DAB1: variants seen among roughly 807,000 people sequenced by gnomAD.
DAB1 encodes the protein DAB adaptor protein 1.
Under a neutral mutation model 64.6 loss-of-function variants are expected in DAB1, and 15 were observed. That is an observed-to-expected ratio of 0.23 (90% CI 0.16 to 0.36). The LOEUF is 0.36. Among genes scored for constraint, DAB1 ranks in the 10% least tolerant of loss-of-function variants. DAB1 has a pLI of 1.00. For missense variants in DAB1, 596 were observed against 706.7 expected (o/e 0.84, Z 1.78); for synonymous variants, 235 against 251.9 (o/e 0.93, Z 0.64).
At chr1:57,595,583 C>T (rs1004043711) in intron 7 of DAB1, among the ~76,000 whole-genome samples, 5 of 152,130 alleles carry the variant, frequency 3.3e-5, no homozygotes, top group South Asian at 4.1e-4. Context: ...GCAGGTTCCT[C>T]TGGCTCCAAA....
intron 4 of DAB1, among the ~76,000 whole-genome samples, chr1:57,096,362 G>A (rs996800987): frequency 6.6e-6 from 1 of 151,998 alleles, no homozygotes. Flanking sequence ...AAAAACTCAC[G>A]AGTCCAATAA....
intron 3 of DAB1, among the ~76,000 whole-genome samples, chr1:58,358,450 G>T (rs571437553): frequency 6.6e-6 from 1 of 152,280 alleles, no homozygotes; most frequent in East Asian, 1.9e-4. Context: ...ATCTAGTTAA[G>T]GGAAAACAAC....
intron 4 of DAB1, among the ~76,000 whole-genome samples, chr1:58,335,650 G>T (rs796419130): frequency 6.6e-6 from 1 of 151,772 alleles, no homozygotes; most frequent in Non-Finnish European, 1.5e-5. Context: ...TTGGTGTTTG[G>T]GGGCAGGGTG....
chr1:57,166,237 T>C (rs1661199894), intron 2 of DAB1, among the ~76,000 whole-genome samples: 7 of 152,182 alleles, frequency 4.6e-5, no homozygotes, highest in Admixed American at 4.6e-4. Flanking sequence ...TTCTTCCATA[T>C]CATGCAACCT....
At chr1:57,372,642 A>T (rs185087310) in intron 1 of DAB1, among the ~76,000 whole-genome samples, 13 of 152,208 alleles carry the variant, frequency 8.5e-5, no homozygotes, top group Admixed American at 7.8e-4. Context: ...AAGAAAATAC[A>T]TCTAAGCTCC....
At chr1:57,727,636 A>G (rs1361515364) in intron 6 of DAB1, among the ~76,000 whole-genome samples, 2 of 152,116 alleles carry the variant, frequency 1.3e-5, no homozygotes, top group Non-Finnish European at 2.9e-5. Flanking sequence ...ATCTCTAGAG[A>G]CAGTAGACAA....
chr1:57,283,747 C>T (rs1279089596), intron 2 of DAB1, among the ~76,000 whole-genome samples: 3 of 152,154 alleles, frequency 2.0e-5, no homozygotes, highest in Non-Finnish European at 4.4e-5. Flanking sequence ...GAGGTGAATC[C>T]TAAGAACATA....
At chr1:57,260,706 G>C (rs1246719018) in intron 2 of DAB1, among the ~76,000 whole-genome samples, 1 of 152,092 alleles carries the variant, frequency 6.6e-6, no homozygotes, top group Admixed American at 6.6e-5. Flanking sequence ...CTCACCTAAG[G>C]TCACAAAGCA....
chr1:57,140,133 T>C (rs1658463176), intron 3 of DAB1, among the ~76,000 whole-genome samples: 1 of 152,104 alleles, frequency 6.6e-6, no homozygotes, highest in Non-Finnish European at 1.5e-5. Context: ...GAGACAGCTC[T>C]GGTTAGGGAG....
chr1:57,178,798 G>GA (rs542627596), intron 2 of DAB1, among the ~76,000 whole-genome samples: 1 of 151,564 alleles, frequency 6.6e-6, no homozygotes, highest in Admixed American at 6.6e-5. Flanking sequence ...TAAAATAAAT[G>GA]AAAAAAATAT....
At chr1:58,390,161 T>C (rs960557506) in intron 3 of DAB1, among the ~76,000 whole-genome samples, 2 of 152,088 alleles carry the variant, frequency 1.3e-5, no homozygotes, top group African/African-American at 4.8e-5. Context: ...GCTTCCAGAA[T>C]GCACCCAGCT....
At chr1:58,226,103 G>C (rs1659466484) in intron 4 of DAB1, among the ~76,000 whole-genome samples, 1 of 152,020 alleles carries the variant, frequency 6.6e-6, no homozygotes, top group Non-Finnish European at 1.5e-5. Context: ...GATACCTCTG[G>C]CTCTGCCAGC....
intron 1 of DAB1, among the ~76,000 whole-genome samples, chr1:57,388,432 TGTAG>T (rs1271702823): frequency 6.6e-6 from 1 of 152,132 alleles, no homozygotes; most frequent in African/African-American, 2.4e-5. Context: ...CCAGTCCTCG[TGTAG>T]GTGGTTCTGT....
At position 57,116,461 on chromosome 1, in the gene DAB1, CAAAAAAAAAAAAAAA is replaced by C. The variant is rs61590002; in HGVS notation, c.306+20067_306+20081del. 4.2e-4 allele frequency among the ~76,000 whole-genome samples: 30 copies of C among 71,972 alleles called. 2 individuals are homozygous for C. Among genetic ancestry groups the C allele is most frequent in the Non-Finnish European group, 7.7e-5 (3 of 39,010 alleles). 47.2% of individuals were successfully genotyped at this position (71,972 alleles called of 152,430 possible). ...TGGGCAATAGAGTGAGACTCTGTCT[CAAAAAAAAAAAAAAA>C]AAAAAAAGAAAGAAAGCAGGTTGGG... is the stretch of plus-strand genomic sequence containing the variant. On this transcript the variant is annotated intron_variant, in intron 4 of 14. Coordinates refer to ENST00000371236, the MANE Select transcript of DAB1 (RefSeq NM_001365792.1).
At chr1:57,295,249 C>T (rs1157114987) in intron 1 of DAB1, among the ~76,000 whole-genome samples, 2 of 152,008 alleles carry the variant, frequency 1.3e-5, no homozygotes, top group African/African-American at 4.8e-5. Context: ...AAAACAAAAC[C>T]CCTCCCAACC....
At position 58,228,008 on chromosome 1, in the gene DAB1, C is replaced by G. The variant is rs1374467474; in HGVS notation, n.310-77420G>C. On this transcript the variant is annotated intron_variant and non_coding_transcript_variant, in intron 4 of 20. Coordinates refer to the DAB1 transcript ENST00000485760. The stretch of plus-strand genomic sequence containing the variant: ...TTTAAAAACAGACCAAGAAAGTGGA[C>G]TCCCTGAGGCGAGGGTAAGCCCATA... 2.6e-5 allele frequency among the ~76,000 whole-genome samples: 4 copies of G among 152,210 alleles called. No individual in the cohort carries two copies. The East Asian group carries it at 7.7e-4, about 29-fold the overall frequency.
At chr1:57,071,094 G>C in intron 6 of DAB1, 33 bp from the exon 7 acceptor site, 1 of 1,592,508 alleles carries the variant, frequency 6.3e-7, no homozygotes, top group Non-Finnish European at 8.6e-7. Flanking sequence ...AGGGTGAAAA[G>C]CAGAGGACAT....
intron 7 of DAB1, 107 bp from the exon 8 acceptor site, chr1:57,069,532 G>A: frequency 1.1e-6 from 1 of 877,984 alleles, no homozygotes; most frequent in South Asian, 1.4e-5. Context: ...TAACGAAGCA[G>A]GCACAAGAGA....
rs1002681400 is a variant in DAB1 at position 58,111,447 on chromosome 1, A to G, written n.387+39064T>C. Among the ~76,000 whole-genome samples the G allele has an allele frequency of 3.2e-4, 49 of 152,208 alleles. 1 individual carries two copies. Among genetic ancestry groups the G allele is most frequent in the African/African-American group, 1.2e-3 (48 of 41,454 alleles). On this transcript the variant is annotated intron_variant and non_coding_transcript_variant, in intron 5 of 20. Transcript: ENST00000485760. Reference sequence around the variant, plus strand: ...TACTGAGTTTTCTAGAGCCTTGAATATGCTATTTGCTCATGATCCCTCTGC... The same window carrying G: ...TACTGAGTTTTCTAGAGCCTTGAATGTGCTATTTGCTCATGATCCCTCTGC...
Sources: allele counts gnomAD v4.1 joint callset (sites outside exome capture counted in the v4.1 genomes callset), GRCh38; gene constraint gnomAD v4.1.1; transcripts MANE v1.5; gene names NCBI Gene and HGNC (gene_info 2026-07-23, HGNC 2026-07-21).